The following ZNF420 variants were observed in gnomAD, a reference collection of about 807,000 sequenced individuals.
ZNF420 encodes the protein zinc finger protein 420.
ZNF420 carries 31 observed loss-of-function variants against 44.7 expected under a neutral mutation model. The observed-to-expected ratio is 0.69, with a 90% CI of 0.52 to 0.94. The LOEUF (loss-of-function observed/expected upper bound fraction) is 0.94, where lower values mean the gene tolerates loss of function less well. Ranked by LOEUF, ZNF420 falls within the 40% of genes least tolerant of loss-of-function variation. The pLI, the probability that ZNF420 is intolerant of heterozygous loss-of-function variation, is 0.00. For missense variants in ZNF420, 681 were observed against 827.9 expected, an observed-to-expected ratio of 0.82 and a Z score of 2.18; for synonymous variants, 245 against 267.4, an observed-to-expected ratio of 0.92 and a Z score of 0.82.
At chr19:37,051,764 T>C (rs1178554642) in intron 1 of ZNF420, among the ~76,000 whole-genome samples, 3 of 152,238 alleles carry the variant, frequency 2.0e-5, no homozygotes, top group African/African-American at 7.2e-5. Context: ...TCTGCTAGCT[T>C]TTGAATGTGT....
intron 1 of ZNF420, among the ~76,000 whole-genome samples, chr19:37,056,004 C>CT (rs1387957808): frequency 6.6e-6 from 1 of 152,136 alleles, no homozygotes; most frequent in East Asian, 1.9e-4. Context: ...CAGGGGTTGC[C>CT]TGGGGTGGTG....
At chr19:37,079,917 C>G (rs1317592628) in intron 1 of ZNF420, among the ~76,000 whole-genome samples, 1 of 152,066 alleles carries the variant, frequency 6.6e-6, no homozygotes, top group Non-Finnish European at 1.5e-5. Context: ...TTGCTTGAAC[C>G]CGGGAGGCGG....
intron 4 of ZNF420, among the ~76,000 whole-genome samples, chr19:37,120,795 T>A (rs1156800422): frequency 6.6e-6 from 1 of 152,200 alleles, no homozygotes; most frequent in Non-Finnish European, 1.5e-5. Context: ...ACAAAATCAG[T>A]GTACAAAAAT....
chr19:37,020,022 C>T (rs2074635902), intron 1 of ZNF420, among the ~76,000 whole-genome samples: 1 of 151,948 alleles, frequency 6.6e-6, no homozygotes, highest in South Asian at 2.1e-4. Flanking sequence ...TCGAGAACAT[C>T]CTGGCTAACC....
intron 4 of ZNF420, among the ~76,000 whole-genome samples, chr19:37,115,683 C>T (rs1970635458): frequency 6.6e-6 from 1 of 151,858 alleles, no homozygotes; most frequent in Non-Finnish European, 1.5e-5. Context: ...CAGGTGCCTT[C>T]CTCTTATCTC....
chr19:37,094,330 G>A (rs775374103), intron 4 of ZNF420, among the ~76,000 whole-genome samples: 5 of 151,938 alleles, frequency 3.3e-5, no homozygotes, highest in South Asian at 2.1e-4. Flanking sequence ...GGATACAATC[G>A]TGTTTTATTT....
In ZNF420 at chr19:37,089,093, G is replaced by A; in HGVS notation, c.-26G>A. On this transcript the variant is annotated 5_prime_UTR_variant, in exon 3 of 5. Transcript: ENST00000337995. ...TAAGATAGGAACCCAGAAGAGGACT[G>A]ATCATTTCTTGCAGCTCTAAAAACC... The A allele has an allele frequency of 1.2e-6, 2 of 1,611,678 alleles. No homozygotes were observed. Among genetic ancestry groups the A allele is most frequent in the Non-Finnish European group, 1.7e-6 (2 of 1,177,820 alleles).
rs1380094002 is a variant in ZNF420 at position 37,127,209 on chromosome 19, G to A, written c.218G>A (p.Ser73Asn). The A allele has an allele frequency of 1.2e-6, 2 of 1,604,642 alleles. No individual in the cohort carries two copies. The highest frequency in any genetic ancestry group is 2.2e-5 in the East Asian group (1 of 44,762). ...ACAGAATTATCCCAATGGGAAATGA[G>A]TGACAGACTTGAAAACTGTGATCTT... Reference protein sequence around the residue: ...YETELSQWEMSDRLENCDLEE... With the variant: ...YETELSQWEMNDRLENCDLEE... Residue 73 changes from serine (S) to asparagine (N), a missense_variant, in exon 5 of 5, where the codon AGT becomes AAT. By Grantham distance (46) the Ser-to-Asn change is conservative. Around this residue, in one of 3 missense-constraint regions of ZNF420, gnomAD observed 350 missense variants for 382.5 expected, o/e 0.92. Coordinates refer to ENST00000337995, the MANE Select transcript of ZNF420 (RefSeq NM_144689.5).
At chr19:37,041,796 CTT>C (rs1967457361) in intron 1 of ZNF420, among the ~76,000 whole-genome samples, 1 of 152,086 alleles carries the variant, frequency 6.6e-6, no homozygotes, top group Admixed American at 6.6e-5. Context: ...AAAAAATACT[CTT>C]TAGAACCCAT....
upstream of ZNF420, among the ~76,000 whole-genome samples, chr19:37,076,784 T>C (rs1410469842): frequency 2.6e-5 from 4 of 152,336 alleles, no homozygotes; most frequent in East Asian, 5.8e-4. Flanking sequence ...TGATGGACAT[T>C]TGGGTTGGTT....
intron 4 of ZNF420, among the ~76,000 whole-genome samples, chr19:37,121,460 A>G (rs1339658705): frequency 6.6e-6 from 1 of 150,846 alleles, no homozygotes; most frequent in Non-Finnish European, 1.5e-5. Flanking sequence ...CTTACACCTT[A>G]TACAAAAATT....
chr19:37,060,916 G>A (rs1482677983), intron 1 of ZNF420, among the ~76,000 whole-genome samples: 1 of 152,082 alleles, frequency 6.6e-6, no homozygotes, highest in Non-Finnish European at 1.5e-5. Context: ...TGCAGGGGAG[G>A]TTGCGTCAGG....
At position 37,127,541 on chromosome 19, in the gene ZNF420, C is replaced by G; in HGVS notation, c.550C>G (p.Leu184Val). 1 of 1,613,894 alleles carries G rather than the reference C, an allele frequency of 6.2e-7. No homozygotes were observed. Among genetic ancestry groups the G allele is most frequent in the Non-Finnish European group, 8.5e-7 (1 of 1,179,850 alleles). ...CTTTAGTCGTGATTCACAACTCAGT[C>G]TTCATCAGAGACTTCATACTGGTGA... ...KAFSRDSQLS[L>V]HQRLHTGEKP... The change falls in exon 5 of 5, where the codon CTT (leucine) becomes GTT (valine). Residue 184 changes from leucine (L) to valine (V), a missense_variant. By Grantham distance (32) the Leu-to-Val change is conservative (BLOSUM62 1). Transcript: ENST00000337995.
chr19:37,087,880 C>T (rs972655124), intron 2 of ZNF420, among the ~76,000 whole-genome samples: 4 of 152,168 alleles, frequency 2.6e-5, no homozygotes, highest in African/African-American at 4.8e-5. Context: ...CTCCTGACCT[C>T]GTGATCCGCC....
chr19:37,113,882 A>G (rs896412972), intron 4 of ZNF420, among the ~76,000 whole-genome samples: 1 of 152,104 alleles, frequency 6.6e-6, no homozygotes, highest in Non-Finnish European at 1.5e-5. Context: ...TTAAATTGTA[A>G]ACATTGAGAG....
At chr19:37,085,528 A>G (rs2146508637) in intron 2 of ZNF420, among the ~76,000 whole-genome samples, 1 of 152,262 alleles carries the variant, frequency 6.6e-6, no homozygotes, top group African/African-American at 2.4e-5. Flanking sequence ...TACAGTCTCT[A>G]AAGGGAGTTG....
intron 4 of ZNF420, among the ~76,000 whole-genome samples, chr19:37,116,240 C>G (rs1970673125): frequency 6.6e-6 from 1 of 151,848 alleles, no homozygotes. Flanking sequence ...CATGATGGCA[C>G]ACGCAGGGAT....
At position 37,128,846 on chromosome 19, in the gene ZNF420, G is replaced by C. The variant is rs375280728; in HGVS notation, c.1855G>C (p.Glu619Gln). ...HTGEKPYECR[E>Q]CRKAFTQSSH... ...TGGTGAGAAGCCCTATGAATGCAGA[G>C]AATGTAGAAAGGCCTTTACTCAGAG... Residue 619 changes from glutamate to glutamine, a missense_variant, in exon 5 of 5, where the codon GAA (glutamate) becomes CAA (glutamine). Glu to Gln is a conservative substitution (Grantham distance 29, BLOSUM62 2). Coordinates refer to ENST00000337995, the MANE Select transcript of ZNF420 (RefSeq NM_144689.5). 6.2e-7 allele frequency: 1 copy of C among 1,613,734 alleles called. No homozygotes were observed. Among genetic ancestry groups the C allele is most frequent in the South Asian group, 1.1e-5 (1 of 91,064 alleles).
chr19:37,062,650 G>T (rs1378872007), intron 1 of ZNF420, among the ~76,000 whole-genome samples: 2 of 152,064 alleles, frequency 1.3e-5, no homozygotes, highest in Non-Finnish European at 2.9e-5. Context: ...TCCACTTAGG[G>T]TTTTCCATCT....
Sources: gnomAD v4.1 joint callset for allele counts (sites outside exome capture counted in the v4.1 genomes callset) on GRCh38, gnomAD v4.1.1 for gene constraint, gnomAD v4.1.1 regional missense constraint, MANE v1.5 for transcripts, NCBI Gene and HGNC (gene_info 2026-07-23, HGNC 2026-07-21) for gene names.